Variants in VCAN observed in about 807,000 individuals in gnomAD.
The protein encoded by VCAN is versican, also known as versican core protein.
In VCAN, 44 loss-of-function variants were observed where a neutral mutation model predicts 245.5. The observed-to-expected ratio is 0.18, with a 90% CI of 0.14 to 0.23. The LOEUF (loss-of-function observed/expected upper bound fraction) is 0.23. Ranked by LOEUF, VCAN falls within the 10% of genes least tolerant of loss-of-function variation. The pLI is 1.00. For missense variants in VCAN, 3,793 were observed against 4,057.9 expected (o/e 0.93, Z 1.77); for synonymous variants, 1,413 against 1,437.0 (o/e 0.98, Z 0.38).
In VCAN at chr5:83,578,527, A is replaced by T. The variant is rs139009200; in HGVS notation, c.9881-1453A>T. 2.0e-3 allele frequency among the ~76,000 whole-genome samples: 299 copies of T among 152,216 alleles called. 2 individuals are homozygous for T. Among genetic ancestry groups the T allele is most frequent in the African/African-American group, 6.7e-3 (278 of 41,548 alleles). On this transcript the variant is annotated intron_variant, in intron 13 of 14. Coordinates refer to ENST00000265077, the MANE Select transcript of VCAN (RefSeq NM_004385.5). Reference sequence around the variant, plus strand: ...AGGTATCCAGATTGAGGTCAAGCAGAAGTAAATTAGAAGAACCAAACATTT... The same window carrying T: ...AGGTATCCAGATTGAGGTCAAGCAGTAGTAAATTAGAAGAACCAAACATTT...
intron 12 of VCAN, among the ~76,000 whole-genome samples, chr5:83,560,263 T>G (rs150528244): frequency 3.2e-4 from 48 of 152,082 alleles, no homozygotes; most frequent in African/African-American, 1.2e-3. Context: ...CAACAATTAC[T>G]CAAAACTTTG....
At chr5:83,473,579 T>A (rs1744276193) in intron 1 of VCAN, among the ~76,000 whole-genome samples, 4 of 152,108 alleles carry the variant, frequency 2.6e-5, no homozygotes, top group Admixed American at 2.6e-4. Context: ...TAGTGTGAAA[T>A]CCCTGCCTTT....
At chr5:83,507,699 T>G (rs1370227079) in intron 5 of VCAN, among the ~76,000 whole-genome samples, 1 of 152,256 alleles carries the variant, frequency 6.6e-6, no homozygotes, top group Non-Finnish European at 1.5e-5. Context: ...AGCATTCATT[T>G]TTGGACCAAG....
rs1338387651 is a variant in VCAN at position 83,579,988 on chromosome 5, G to A, written c.9889G>A (p.Gly3297Ser). 7 of 1,613,830 alleles carry A rather than the reference G, an allele frequency of 4.3e-6. No individual in the cohort carries two copies. The highest frequency in any genetic ancestry group is 4.5e-5 in the East Asian group (2 of 44,878). The stretch of plus-strand genomic sequence containing the variant: ...AATTTGCTTTCCTTTAGTCGCTTGC[G>A]GCCAGCCCCCTGTTGTAGAAAATGC... ...YTCKKGTVAC[G>S]QPPVVENAKT... Residue 3297 changes from glycine to serine, a missense_variant, in exon 14 of 15, where the codon GGC becomes AGC. Gly to Ser is a moderately conservative substitution (Grantham distance 56). This residue lies in a region of VCAN where 205 missense variants were observed against 321.1 expected (regional missense o/e 0.64). Coordinates refer to ENST00000265077, the MANE Select transcript of VCAN (RefSeq NM_004385.5).
intron 12 of VCAN, among the ~76,000 whole-genome samples, chr5:83,559,528 A>G (rs1747788532): frequency 6.6e-6 from 1 of 152,100 alleles, no homozygotes; most frequent in Non-Finnish European, 1.5e-5. Flanking sequence ...TACTGGCCCT[A>G]GTGTTTAGCA....
chr5:83,532,302 AAG>A (rs1176519336), intron 7 of VCAN, among the ~76,000 whole-genome samples: 8 of 152,200 alleles, frequency 5.3e-5, no homozygotes, highest in Middle Eastern at 3.4e-3. Flanking sequence ...AGAATAAACT[AAG>A]AGGGGGCAAG....
chr5:83,531,505 G>A (rs992238783), intron 7 of VCAN: 13 of 151,910 alleles, frequency 8.6e-5, no homozygotes, highest in African/African-American at 2.2e-4. Flanking sequence ...GCTGCACTTC[G>A]GGACGGCTGT....
chr5:83,560,548 A>G (rs762337485), intron 12 of VCAN, among the ~76,000 whole-genome samples: 5 of 152,244 alleles, frequency 3.3e-5, no homozygotes, highest in Non-Finnish European at 7.4e-5. Flanking sequence ...AGGGAACGTT[A>G]TGGAATCATT....
intron 7 of VCAN, among the ~76,000 whole-genome samples, chr5:83,526,639 C>CA (rs1304536785): frequency 6.6e-6 from 1 of 152,144 alleles, no homozygotes; most frequent in Non-Finnish European, 1.5e-5. Flanking sequence ...AAAAATGTTT[C>CA]AAAAATTGGT....
Position 83,520,826 on chromosome 5 carries a change from T to C in VCAN, c.2520T>C (p.Asp840=), listed in dbSNP as rs1185735164. 2 of 1,613,960 alleles carry C rather than the reference T, an allele frequency of 1.2e-6. No homozygotes were observed. Among genetic ancestry groups the C allele is most frequent in the East Asian group, 2.2e-5 (1 of 44,890 alleles). Reference sequence around the variant, plus strand: ...CAACTGTGGGGATGAATGGAAAGGATAAAGACATCCCAAGTTTCACTGAAG... The same window carrying C: ...CAACTGTGGGGATGAATGGAAAGGACAAAGACATCCCAAGTTTCACTGAAG... The part of the protein sequence containing the change: ...LLTTVGMNGK[D]KDIPSFTEDG... The change falls in exon 7 of 15, where the codon GAT becomes GAC. Residue 840 remains aspartate (D), a synonymous_variant. Coordinates refer to ENST00000265077, the MANE Select transcript of VCAN (RefSeq NM_004385.5).
chr5:83,532,992 G>T (rs1746578195), intron 7 of VCAN, among the ~76,000 whole-genome samples: 1 of 151,884 alleles, frequency 6.6e-6, no homozygotes, highest in African/African-American at 2.4e-5. Flanking sequence ...CAAAAAGATG[G>T]TATATATGTT....
chr5:83,554,678 G>T (rs1747598164), intron 11 of VCAN, among the ~76,000 whole-genome samples: 1 of 151,990 alleles, frequency 6.6e-6, no homozygotes, highest in South Asian at 2.1e-4. Context: ...CATGAGTGAG[G>T]GTGGGAAAAA....
chr5:83,545,967 A>G (rs1004627123), intron 9 of VCAN, among the ~76,000 whole-genome samples: 3 of 152,182 alleles, frequency 2.0e-5, no homozygotes, highest in East Asian at 3.9e-4. Context: ...TCTGCATATA[A>G]ATAAAAATCA....
chr5:83,540,659 G>A lies in VCAN; in HGVS notation c.7656G>A (p.Lys2552=), dbSNP rs1432582163. The A allele has an allele frequency of 6.2e-7, 1 of 1,613,890 alleles. No homozygotes were observed. Among genetic ancestry groups the A allele is most frequent in the South Asian group, 1.1e-5 (1 of 91,066 alleles). ...NIIIDLDKED[K]DLILTITEST... is the part of the protein sequence containing the mutation. Reference sequence around the variant, plus strand: ...TCATAGACCTGGACAAAGAGGACAAGGATTTAATATTGACAATTACAGAGA... The same window carrying A: ...TCATAGACCTGGACAAAGAGGACAAAGATTTAATATTGACAATTACAGAGA... The change falls in exon 8 of 15, where the codon AAG becomes AAA. Residue 2552 remains lysine (K), a synonymous_variant. Coordinates refer to ENST00000265077, the MANE Select transcript of VCAN (RefSeq NM_004385.5).
rs1441312996 is a variant in VCAN, at chr5:83,541,765, T to G, written c.8762T>G (p.Ile2921Ser). 1 of 1,614,112 alleles carries G rather than the reference T, an allele frequency of 6.2e-7. No homozygotes were observed. The highest frequency in any genetic ancestry group is 1.3e-5 in the African/African-American group (1 of 75,050). ...ATGGAAGCTTCTCCCACAGAACTTATTGCTGTGGAAGGAACTGAGATTCTC... is the reference window on the plus strand; with the variant it reads ...ATGGAAGCTTCTCCCACAGAACTTAGTGCTGTGGAAGGAACTGAGATTCTC... The part of the protein sequence containing the change: ...EEMEASPTEL[I>S]AVEGTEILQD... The change falls in exon 8 of 15, where the codon ATT becomes AGT. Residue 2921 changes from isoleucine (I) to serine (S), a missense_variant. Coordinates refer to ENST00000265077, the MANE Select transcript of VCAN (RefSeq NM_004385.5).
intron 2 of VCAN, among the ~76,000 whole-genome samples, chr5:83,485,721 A>G (rs1744770322): frequency 6.6e-6 from 1 of 152,078 alleles, no homozygotes; most frequent in Admixed American, 6.6e-5. Flanking sequence ...TAGTGAGGAC[A>G]TGAGAGGAGT....
chr5:83,539,075 A>G lies in VCAN; in HGVS notation c.6072A>G (p.Pro2024=), dbSNP rs753227676. 6.2e-7 allele frequency: 1 copy of G among 1,613,964 alleles called. No individual in the cohort carries two copies. Among genetic ancestry groups the G allele is most frequent in the Non-Finnish European group, 8.5e-7 (1 of 1,179,946 alleles). The change falls in exon 8 of 15, where the codon CCA becomes CCG. Residue 2024 remains proline, a synonymous_variant. Transcript: ENST00000265077. ...QLVTVSSSVV[P]VLPSAVQKFS... ...TCACAGTCAGCAGCTCTGTTGTTCC[A>G]GTGCTTCCCAGTGCTGTGCAAAAGT...
chr5:83,539,540 C>T lies in VCAN; in HGVS notation c.6537C>T (p.Asn2179=). ...AGGAGGAAGACACTTCTTTAGTTAA[C>T]ATGTCTACTCCAGATCCAGATGCAA... ...EMKEEDTSLV[N]MSTPDPDANG... is the part of the protein sequence containing the mutation. Residue 2179 remains asparagine (N), a synonymous_variant, in exon 8 of 15, where the codon AAC becomes AAT. Coordinates refer to ENST00000265077, the MANE Select transcript of VCAN (RefSeq NM_004385.5). The T allele has an allele frequency of 6.2e-7, 1 of 1,614,032 alleles. No individual in the cohort carries two copies. Among genetic ancestry groups the T allele is most frequent in the Admixed American group, 1.7e-5 (1 of 59,998 alleles).
At chr5:83,498,986 C>T (rs1056052371) in intron 5 of VCAN, among the ~76,000 whole-genome samples, 2 of 152,134 alleles carry the variant, frequency 1.3e-5, no homozygotes, top group Admixed American at 6.5e-5. Context: ...TTCCCACACT[C>T]TTCAATGTGA....
Sources: allele counts gnomAD v4.1 joint callset (sites outside exome capture counted in the v4.1 genomes callset), GRCh38; gene constraint gnomAD v4.1.1; regional missense constraint gnomAD v4.1.1; transcripts MANE v1.5; gene names NCBI Gene and HGNC (gene_info 2026-07-23, HGNC 2026-07-21).